Variants in NRXN3 observed in about 807,000 individuals in gnomAD.
NRXN3 encodes neurexin III.
NRXN3 carries 32 observed loss-of-function variants against 137.6 expected under a neutral mutation model. That is an observed-to-expected ratio of 0.23 (90% confidence interval 0.18 to 0.31). The LOEUF is 0.31. NRXN3 is among the 10% of genes least tolerant of loss of function. The pLI is 1.00. For synonymous variants in NRXN3, 798 were observed against 784.5 expected, an observed-to-expected ratio of 1.02 and a Z score of -0.29; for missense variants, 1,574 against 2,062.5, an observed-to-expected ratio of 0.76 and a Z score of 4.59.
At chr14:78,824,852 G>A (rs1261350298) in intron 10 of NRXN3, among the ~76,000 whole-genome samples, 1 of 152,026 alleles carries the variant, frequency 6.6e-6, no homozygotes, top group East Asian at 1.9e-4. Context: ...AATGCTTGAG[G>A]TGAAGGATAC....
intron 15 of NRXN3, among the ~76,000 whole-genome samples, chr14:79,334,480 A>G (rs2092083077): frequency 6.6e-6 from 1 of 152,188 alleles, no homozygotes; most frequent in South Asian, 2.1e-4. Context: ...AAACAGTGGG[A>G]GGCTGATGGC....
intron 8 of NRXN3, among the ~76,000 whole-genome samples, chr14:78,803,170 T>C (rs935528948): frequency 3.3e-5 from 5 of 152,166 alleles, no homozygotes; most frequent in African/African-American, 4.8e-5. Flanking sequence ...CTGGTAAATA[T>C]CGATTTGTCT....
chr14:79,703,735 A>G (rs912496838), intron 19 of NRXN3, among the ~76,000 whole-genome samples: 6 of 152,006 alleles, frequency 3.9e-5, no homozygotes, highest in Non-Finnish European at 8.8e-5. Context: ...ATATTGCTGT[A>G]TATCTCTGGG....
At chr14:79,798,651 G>C (rs191647638) in intron 19 of NRXN3, among the ~76,000 whole-genome samples, 7 of 152,260 alleles carry the variant, frequency 4.6e-5, no homozygotes, top group African/African-American at 1.4e-4. Flanking sequence ...CAAGGAGATG[G>C]GTGGGGAAAA....
chr14:78,696,922 G>T (rs1346670280), intron 6 of NRXN3, among the ~76,000 whole-genome samples: 2 of 152,016 alleles, frequency 1.3e-5, no homozygotes, highest in Non-Finnish European at 2.9e-5. Flanking sequence ...TCCCAAGTCT[G>T]GGACCCTTAG....
intron 15 of NRXN3, among the ~76,000 whole-genome samples, chr14:79,256,805 G>T (rs2076638946): frequency 6.6e-6 from 1 of 152,038 alleles, no homozygotes; most frequent in Admixed American, 6.6e-5. Context: ...TCTTCCTTTG[G>T]AAAAAGAACA....
chr14:79,498,109 G>A (rs1223828378), intron 16 of NRXN3, among the ~76,000 whole-genome samples: 1 of 152,104 alleles, frequency 6.6e-6, no homozygotes, highest in Non-Finnish European at 1.5e-5. Flanking sequence ...TTATATCTGA[G>A]CGTCGGAATT....
Position 79,441,670 on chromosome 14 carries a change from A to G in NRXN3, c.3263-25551A>G, listed in dbSNP as rs943018951. Among the ~76,000 whole-genome samples, 73 of 151,868 alleles carry G rather than the reference A, an allele frequency of 4.8e-4. No homozygotes were observed. The East Asian group carries it at 6.0e-3, about 13-fold the overall frequency. On this transcript the variant is annotated intron_variant, in intron 15 of 20. Coordinates refer to ENST00000335750, the MANE Select transcript of NRXN3 (RefSeq NM_001330195.2). Reference sequence around the variant, plus strand: ...GCTGGGATTACAGGCGTGAGCCACCACACCCGACCGACAAACAGAAAATCT... The same window carrying G: ...GCTGGGATTACAGGCGTGAGCCACCGCACCCGACCGACAAACAGAAAATCT...
In NRXN3 at chr14:78,951,626, G is replaced by T. The variant is rs530905692; in HGVS notation, c.2276-5616G>T. Among the ~76,000 whole-genome samples the T allele has an allele frequency of 5.9e-5, 9 of 152,120 alleles. No homozygotes were observed. In the South Asian group the frequency reaches 1.9e-3, roughly 32 times the overall value. On this transcript the variant is annotated intron_variant, in intron 10 of 20. Transcript: ENST00000335750. ...AAAATTATCTCATGTTCCTTAATTT[G>T]TGTATTGTCTATCAGATTTTCTCAC...
intron 3 of NRXN3, chr14:78,282,289 T>A: frequency 2.5e-6 from 1 of 405,984 alleles, no homozygotes; most frequent in Admixed American, 2.6e-5. Context: ...TGGAAGCCAT[T>A]TGGAGGTGAG....
At chr14:79,617,332 A>G (rs968729644) in intron 16 of NRXN3, among the ~76,000 whole-genome samples, 1 of 146,732 alleles carries the variant, frequency 6.8e-6, no homozygotes, top group African/African-American at 2.4e-5. Flanking sequence ...TGCATCCCCA[A>G]TGGCTTTTCA....
At chr14:79,150,414 A>G (rs954338383) in intron 15 of NRXN3, among the ~76,000 whole-genome samples, 5 of 151,954 alleles carry the variant, frequency 3.3e-5, no homozygotes, top group Non-Finnish European at 7.4e-5. Flanking sequence ...TGGGGTGGGT[A>G]CAGATAGAGA....
At chr14:79,813,382 A>G (rs1238490222) in intron 20 of NRXN3, among the ~76,000 whole-genome samples, 2 of 152,062 alleles carry the variant, frequency 1.3e-5, no homozygotes, top group Non-Finnish European at 2.9e-5. Flanking sequence ...TTTGAAGAAC[A>G]TTTTGTTGTT....
chr14:79,624,580 A>C (rs2098261206), intron 16 of NRXN3, among the ~76,000 whole-genome samples: 1 of 152,130 alleles, frequency 6.6e-6, no homozygotes, highest in South Asian at 2.1e-4. Flanking sequence ...ACAATACAGT[A>C]GTAGTAACTA....
intron 16 of NRXN3, among the ~76,000 whole-genome samples, chr14:79,599,780 A>G (rs2097902776): frequency 6.6e-6 from 1 of 152,184 alleles, no homozygotes; most frequent in African/African-American, 2.4e-5. Flanking sequence ...AGATCACCTG[A>G]GGTCAGGAGT....
At chr14:78,679,873 C>T (rs1033621738) in intron 6 of NRXN3, among the ~76,000 whole-genome samples, 4 of 151,952 alleles carry the variant, frequency 2.6e-5, no homozygotes, top group African/African-American at 9.7e-5. Flanking sequence ...GGTTCAAATC[C>T]GTTGTCTAGT....
intron 4 of NRXN3, among the ~76,000 whole-genome samples, chr14:78,344,189 G>A (rs1407610015): frequency 6.6e-6 from 1 of 152,180 alleles, no homozygotes; most frequent in Non-Finnish European, 1.5e-5. Flanking sequence ...TGGCAAAAAA[G>A]CACTTGTTAA....
rs138583318 is a variant in NRXN3 at position 78,888,848 on chromosome 14, T to TACACACACATACACAC, written c.2276-68385_2276-68384insTACACACACACACACA. 1.8e-3 allele frequency among the ~76,000 whole-genome samples: 268 copies of TACACACACATACACAC among 146,418 alleles called. 3 individuals carry two copies. The highest frequency in any genetic ancestry group is 6.2e-3 in the African/African-American group (248 of 39,752). On this transcript the variant is annotated intron_variant, in intron 10 of 20. Transcript: ENST00000335750. ...CTAGTTGGGAGAGTAATCACACACA[T>TACACACACATACACAC]ACACACACACACACACACACACACC... is the stretch of plus-strand genomic sequence containing the variant.
intron 17 of NRXN3, among the ~76,000 whole-genome samples, chr14:79,689,034 G>A (rs1603430256): frequency 1.3e-5 from 2 of 152,190 alleles, no homozygotes; most frequent in Non-Finnish European, 2.9e-5. Context: ...TTCTCAGTGT[G>A]ATTAAGAAAT....
Sources: gnomAD v4.1 joint callset for allele counts (sites outside exome capture counted in the v4.1 genomes callset) on GRCh38, gnomAD v4.1.1 for gene constraint, MANE v1.5 for transcripts, NCBI Gene and HGNC (gene_info 2026-07-23, HGNC 2026-07-21) for gene names.